CEP350: variants seen among roughly 807,000 people sequenced by gnomAD.
CEP350 encodes the protein centrosome-associated protein 350.
In CEP350, 126 loss-of-function variants were observed where a neutral mutation model predicts 331.8. The ratio of observed to expected loss-of-function variants is 0.38; its 90% CI spans 0.33 to 0.44. CEP350 has a LOEUF of 0.44. CEP350 is among the 20% of genes least tolerant of loss of function. The pLI is 1.00. For missense variants in CEP350, 3,406 were observed against 3,634.6 expected, an observed-to-expected ratio of 0.94 and a Z score of 1.62; for synonymous variants, 1,200 against 1,259.5, an observed-to-expected ratio of 0.95 and a Z score of 1.00.
intron 37 of CEP350, among the ~76,000 whole-genome samples, chr1:180,102,158 CAG>C (rs1660857283): frequency 7.0e-6 from 1 of 143,566 alleles, no homozygotes; most frequent in South Asian, 2.2e-4. Context: ...TTTTTTGAGA[CAG>C]AGTCTCGCTT....
chr1:180,020,161 C>G lies in CEP350; in HGVS notation c.2387C>G (p.Pro796Arg), dbSNP rs76351623. 2.2e-4 allele frequency: 351 copies of G among 1,613,992 alleles called. 3 individuals carry two copies. In the African/African-American group the frequency reaches 4.0e-3, roughly 19 times the overall value. ...GCTTCAAGGCCATTAACTTTTACACCTCAACCATATGTGACCTCACCAGCT... is the reference window on the plus strand; with the variant it reads ...GCTTCAAGGCCATTAACTTTTACACGTCAACCATATGTGACCTCACCAGCT... The part of the protein sequence containing the change: ...NMASRPLTFT[P>R]QPYVTSPAAY... Residue 796 changes from proline (P) to arginine (R), a missense_variant, in exon 12 of 38, where the codon CCT becomes CGT. Coordinates refer to ENST00000367607, the MANE Select transcript of CEP350 (RefSeq NM_014810.5).
chr1:179,968,565 G>A (rs180815677), intron 1 of CEP350: 3 of 326,656 alleles, frequency 9.2e-6, no homozygotes, highest in African/African-American at 4.3e-5. Flanking sequence ...GTTATTGAAC[G>A]TGGAAGGAGA....
chr1:180,056,349 T>C (rs1289954227), intron 25 of CEP350, among the ~76,000 whole-genome samples: 2 of 152,152 alleles, frequency 1.3e-5, no homozygotes, highest in Non-Finnish European at 2.9e-5. Context: ...CTATGATGCA[T>C]GTAGGCGTGG....
chr1:179,991,176 G>A (rs1191025717), intron 4 of CEP350, among the ~76,000 whole-genome samples: 1 of 151,576 alleles, frequency 6.6e-6, no homozygotes, highest in Non-Finnish European at 1.5e-5. Flanking sequence ...ATGAAATTTA[G>A]TTGACTTAAC....
At chr1:180,104,535 C>T (rs1197820384) in intron 37 of CEP350, among the ~76,000 whole-genome samples, 1 of 152,122 alleles carries the variant, frequency 6.6e-6, no homozygotes, top group Non-Finnish European at 1.5e-5. Context: ...GAGAGAATGG[C>T]ATAAGCAGTT....
At chr1:180,088,306 T>C (rs1247102625) in intron 32 of CEP350, among the ~76,000 whole-genome samples, 6 of 152,054 alleles carry the variant, frequency 3.9e-5, no homozygotes, top group Non-Finnish European at 8.8e-5. Flanking sequence ...TATAATATTG[T>C]GTATTAGGAA....
In CEP350 at chr1:180,092,636, G is replaced by A. The variant is rs1660265458; in HGVS notation, c.6531G>A (p.Glu2177=). The change falls in exon 34 of 38, where the codon GAG becomes GAA. Residue 2177 remains glutamate (E), a synonymous_variant. Coordinates refer to ENST00000367607, the MANE Select transcript of CEP350 (RefSeq NM_014810.5). ...EHVDASLSGS[E]RSVSERSLSA... is the part of the protein sequence containing the mutation. ...AAGATGCTTCACTGTCTGGTTCTGA[G>A]AGATCAGTATCAGAAAGGTCTTTAT... 2 of 1,586,226 alleles carry A rather than the reference G, an allele frequency of 1.3e-6. No homozygotes were observed. Among genetic ancestry groups the A allele is most frequent in the East Asian group, 2.2e-5 (1 of 44,480 alleles).
At chr1:180,001,093 A>G (rs1011666314) in intron 6 of CEP350, among the ~76,000 whole-genome samples, 2 of 152,174 alleles carry the variant, frequency 1.3e-5, no homozygotes, top group Admixed American at 1.3e-4. Flanking sequence ...CCTATTCTTT[A>G]CATTGATTTA....
chr1:179,992,971 G>A (rs1016461454), intron 5 of CEP350, among the ~76,000 whole-genome samples: 1 of 151,720 alleles, frequency 6.6e-6, no homozygotes, highest in Non-Finnish European at 1.5e-5. Context: ...GTAGTTCTAG[G>A]TATATGTTTG....
intron 3 of CEP350, among the ~76,000 whole-genome samples, chr1:179,990,114 A>T (rs1652941316): frequency 6.6e-6 from 1 of 152,074 alleles, no homozygotes; most frequent in African/African-American, 2.4e-5. Context: ...TGAACCCGTG[A>T]GGTGGAGGTT....
chr1:180,004,873 GGCTT>G (rs142057657), intron 7 of CEP350, among the ~76,000 whole-genome samples: 49 of 100,608 alleles, frequency 4.9e-4, no homozygotes, highest in East Asian at 1.3e-3. Flanking sequence ...CAGGCTGGCT[GGCTT>G]GCTTGCTTGC....
At chr1:180,080,696 G>A in intron 30 of CEP350, 35 bp downstream of exon 30, 12 of 1,584,308 alleles carry the variant, frequency 7.6e-6, no homozygotes, top group Non-Finnish European at 1.0e-5. Context: ...TATTTGTGTT[G>A]TATTTGAACA....
At chr1:180,034,564 C>G (rs1410799444) in intron 16 of CEP350, among the ~76,000 whole-genome samples, 1 of 151,338 alleles carries the variant, frequency 6.6e-6, no homozygotes, top group Non-Finnish European at 1.5e-5. Flanking sequence ...CACTTCATGT[C>G]CCTGTGTCCA....
intron 1 of CEP350, among the ~76,000 whole-genome samples, chr1:179,972,879 T>G (rs1160042983): frequency 6.6e-6 from 1 of 151,192 alleles, no homozygotes; most frequent in Non-Finnish European, 1.5e-5. Context: ...ACTTTTTTTT[T>G]TTTTTTTGAA....
chr1:180,029,727 G>A (rs1324372922), intron 14 of CEP350, among the ~76,000 whole-genome samples: 3 of 152,132 alleles, frequency 2.0e-5, no homozygotes, highest in African/African-American at 7.2e-5. Context: ...TTAGCATTAA[G>A]TACATTCACA....
At chr1:179,970,364 G>A (rs1651354351) in intron 1 of CEP350, among the ~76,000 whole-genome samples, 1 of 152,166 alleles carries the variant, frequency 6.6e-6, no homozygotes, top group South Asian at 2.1e-4. Context: ...ATTAGAATAT[G>A]TTATAGGACT....
chr1:180,045,293 G>T (rs997303181), intron 21 of CEP350, among the ~76,000 whole-genome samples: 1 of 152,068 alleles, frequency 6.6e-6, no homozygotes, highest in Non-Finnish European at 1.5e-5. Context: ...AGCGAGCCAA[G>T]ATCGCACCAC....
intron 8 of CEP350, 124 bp from the exon 9 acceptor site, chr1:180,011,805 T>C: frequency 3.1e-6 from 2 of 635,866 alleles, no homozygotes; most frequent in South Asian, 2.5e-5. Flanking sequence ...AATATCATTA[T>C]ATTGTAAATC....
At position 180,041,097 on chromosome 1, in the gene CEP350, G is replaced by A. The variant is rs769880156; in HGVS notation, c.4111-41G>A. On this transcript the variant is annotated intron_variant, in intron 17 of 37. Transcript: ENST00000367607. ...GTGTTATAGTCACTGTGTTAAAATA[G>A]TTTCGTATCTGAGAATTAACATTTG... 15 of 1,442,824 alleles carry A rather than the reference G, an allele frequency of 1.0e-5. No individual in the cohort carries two copies. The South Asian group carries it at 1.8e-4, about 18-fold the overall frequency. 89.4% of individuals were successfully genotyped at this position (1,442,824 alleles called of 1,614,324 possible).
Sources: gnomAD v4.1 joint callset for allele counts (sites outside exome capture counted in the v4.1 genomes callset) on GRCh38, gnomAD v4.1.1 for gene constraint, MANE v1.5 for transcripts, NCBI Gene and HGNC (gene_info 2026-07-23, HGNC 2026-07-21) for gene names.